The following PLCH1 variants were observed in gnomAD, a reference collection of about 807,000 sequenced individuals.
PLCH1 encodes the protein phospholipase C eta 1, also known as 1-phosphatidylinositol 4,5-bisphosphate phosphodiesterase eta-1.
In PLCH1, 60 loss-of-function variants were observed where a neutral mutation model predicts 126.7. That is an observed-to-expected ratio of 0.47 (90% CI 0.38 to 0.59). The LOEUF is 0.59. Among genes scored for constraint, PLCH1 ranks in the 20% least tolerant of loss-of-function variants. The probability of loss-of-function intolerance (pLI) is 0.00; values close to 1 mark genes in which losing one functional copy is unlikely to be tolerated. For synonymous variants in PLCH1, 719 were observed against 734.9 expected (o/e 0.98, Z 0.35); for missense variants, 1,723 against 2,040.0 (o/e 0.84, Z 2.99).
chr3:155,516,921 G>A (rs1289824758), intron 11 of PLCH1, among the ~76,000 whole-genome samples: 2 of 152,106 alleles, frequency 1.3e-5, no homozygotes, highest in African/African-American at 4.8e-5. Context: ...TGCACACAGA[G>A]GAGGCGCAAC....
chr3:155,612,909 A>T (rs1308678865), intron 2 of PLCH1, among the ~76,000 whole-genome samples: 138 of 40,326 alleles, frequency 3.4e-3, no homozygotes, highest in Admixed American at 8.1e-3. Flanking sequence ...ACTGTGTATT[A>T]AAAAAAAAAA....
chr3:155,554,016 C>CAT, intron 9 of PLCH1, 60 bp downstream of exon 9: 1 of 1,555,078 alleles, frequency 6.4e-7, no homozygotes, highest in South Asian at 1.2e-5. Flanking sequence ...AGCTACGTTA[C>CAT]ATCAGGCAAT....
intron 2 of PLCH1, among the ~76,000 whole-genome samples, chr3:155,698,455 C>T (rs554539428): frequency 3.9e-5 from 6 of 152,192 alleles, no homozygotes; most frequent in Admixed American, 3.9e-4. Context: ...TTTTGTAAGG[C>T]CTGAATGGAT....
intron 21 of PLCH1, among the ~76,000 whole-genome samples, chr3:155,451,744 G>A (rs1712313982): frequency 6.6e-6 from 1 of 152,174 alleles, no homozygotes; most frequent in Non-Finnish European, 1.5e-5. Context: ...GAGAAAGAAT[G>A]TTTTCTCTCT....
chr3:155,621,020 C>T (rs1253315165), intron 2 of PLCH1, among the ~76,000 whole-genome samples: 4 of 152,144 alleles, frequency 2.6e-5, no homozygotes, highest in Admixed American at 6.5e-5. Context: ...AGCCCTGGCT[C>T]GCATCTGGCG....
At chr3:155,582,137 A>T (rs1577064998) in intron 6 of PLCH1, among the ~76,000 whole-genome samples, 1 of 120,904 alleles carries the variant, frequency 8.3e-6, no homozygotes, top group African/African-American at 3.3e-5. Flanking sequence ...GCTGGAGTGC[A>T]GGGGCTCAAT....
intron 4 of PLCH1, among the ~76,000 whole-genome samples, chr3:155,592,362 G>A (rs1577088100): frequency 6.6e-6 from 1 of 151,594 alleles, no homozygotes; most frequent in Non-Finnish European, 1.5e-5. Flanking sequence ...GGGCATGGTG[G>A]CAGGCACCTG....
rs1273003676 is a variant in PLCH1 at position 155,482,336 on chromosome 3, G to C, written c.3690C>G (p.Ile1230Met). 1 of 1,614,192 alleles carries C rather than the reference G, an allele frequency of 6.2e-7. No individual in the cohort carries two copies. The highest frequency in any genetic ancestry group is 8.5e-7 in the Non-Finnish European group (1 of 1,180,040). Residue 1230 changes from isoleucine to methionine, a missense_variant, in exon 23 of 23, where the codon ATC becomes ATG. Transcript: ENST00000460012. ...ATTTTCCCTTGCAAAAACCATGCTTGATGGGCATTTTTAGGCCCAGGCTAG... is the reference window on the plus strand; with the variant it reads ...ATTTTCCCTTGCAAAAACCATGCTTCATGGGCATTTTTAGGCCCAGGCTAG... ...PLPSLGLKMP[I>M]KHGFCKGKSK...
chr3:155,690,474 T>C (rs150133864), intron 2 of PLCH1, among the ~76,000 whole-genome samples: 73 of 152,366 alleles, frequency 4.8e-4, no homozygotes, highest in Middle Eastern at 3.4e-3. Flanking sequence ...AGGGCTCCCC[T>C]AGTCCTTGCT....
chr3:155,569,590 G>C lies in PLCH1; in HGVS notation c.772-1266C>G, dbSNP rs566076600. On this transcript the variant is annotated intron_variant, in intron 6 of 22. Coordinates refer to ENST00000460012, the MANE Select transcript of PLCH1 (RefSeq NM_014996.4). ...TAAATGAAACTGCAATACCTCCAAG[G>C]AACTCTACTGACCCAGGCAGGCTTT... Among the ~76,000 whole-genome samples, 17 of 152,204 alleles carry C rather than the reference G, an allele frequency of 1.1e-4. 1 individual carries two copies. In the South Asian group the frequency reaches 3.1e-3, roughly 28 times the overall value.
chr3:155,470,375 A>G (rs1262146359), intron 21 of PLCH1, among the ~76,000 whole-genome samples: 2 of 152,170 alleles, frequency 1.3e-5, no homozygotes, highest in Admixed American at 6.5e-5. Flanking sequence ...AAGTTTAGAG[A>G]AAAAAGAATA....
At chr3:155,546,616 T>C (rs1457390782) in intron 10 of PLCH1, among the ~76,000 whole-genome samples, 1 of 152,196 alleles carries the variant, frequency 6.6e-6, no homozygotes, top group East Asian at 1.9e-4. Context: ...GCTGGAGGCA[T>C]CACGCTGCCT....
chr3:155,541,768 G>C (rs1724267538), intron 10 of PLCH1, among the ~76,000 whole-genome samples: 1 of 152,060 alleles, frequency 6.6e-6, no homozygotes, highest in South Asian at 2.1e-4. Context: ...TGGAAAAACA[G>C]TGCCGAAAGA....
At chr3:155,612,310 C>G (rs1205831437) in intron 2 of PLCH1, among the ~76,000 whole-genome samples, 1 of 137,022 alleles carries the variant, frequency 7.3e-6, no homozygotes, top group African/African-American at 2.7e-5. Flanking sequence ...GCCTAGGCAA[C>G]AAGAGTGAAA....
At chr3:155,496,216 CAA>C (rs1362879627) in intron 15 of PLCH1, among the ~76,000 whole-genome samples, 1 of 152,102 alleles carries the variant, frequency 6.6e-6, no homozygotes, top group Non-Finnish European at 1.5e-5. Flanking sequence ...AAATAGTACT[CAA>C]GATTAATTTC....
At chr3:155,542,746 G>A (rs1274080476) in intron 10 of PLCH1, among the ~76,000 whole-genome samples, 3 of 152,188 alleles carry the variant, frequency 2.0e-5, no homozygotes, top group Non-Finnish European at 2.9e-5. Flanking sequence ...CTGCTGTTCT[G>A]CAGCCACTGC....
rs547653593 is a variant in PLCH1 at position 155,610,624 on chromosome 3, A to G, written c.80-14246T>C. The stretch of plus-strand genomic sequence containing the variant: ...GTAATCCAGCAAAACTAAGATCCAT[A>G]AATGAAGGGGAAATAAAGTCTTTTT... On this transcript the variant is annotated intron_variant, in intron 2 of 22. Transcript: ENST00000460012. 7.2e-4 allele frequency among the ~76,000 whole-genome samples: 110 copies of G among 152,220 alleles called. 1 individual carries two copies. Among genetic ancestry groups the G allele is most frequent in the African/African-American group, 2.6e-3 (106 of 41,530 alleles).
At chr3:155,498,836 C>T (rs933078745) in intron 14 of PLCH1, among the ~76,000 whole-genome samples, 1 of 152,114 alleles carries the variant, frequency 6.6e-6, no homozygotes, top group African/African-American at 2.4e-5. Context: ...TCCTCTGCAA[C>T]CTTACAAATT....
At position 155,481,517 on chromosome 3, in the gene PLCH1, G is replaced by A. The variant is rs780281299; in HGVS notation, c.4509C>T (p.Tyr1503=). Residue 1503 remains tyrosine (Y), a synonymous_variant, in exon 23 of 23, where the codon TAC becomes TAT. Transcript: ENST00000460012. This position sits in a 1 kb window ranked among gnomAD's most constrained non-coding sequence, Gnocchi z 4.2. Reference sequence around the variant, plus strand: ...TAACAAAACTCTTACTAATACACTGGTACTTGCTCTCAAAATTGCAGGCAA... The same window carrying A: ...TAACAAAACTCTTACTAATACACTGATACTTGCTCTCAAAATTGCAGGCAA... ...EDIACNFESK[Y]QCISKSFVTT... The A allele has an allele frequency of 5.6e-6, 9 of 1,614,044 alleles. No individual in the cohort carries two copies. Among genetic ancestry groups the A allele is most frequent in the African/African-American group, 2.7e-5 (2 of 75,000 alleles).
Sources: allele counts gnomAD v4.1 joint callset (sites outside exome capture counted in the v4.1 genomes callset), GRCh38; gene constraint gnomAD v4.1.1; non-coding constraint Gnocchi (gnomAD v3.1); transcripts MANE v1.5; gene names NCBI Gene and HGNC (gene_info 2026-07-23, HGNC 2026-07-21).